CNTLN: variants seen among roughly 807,000 people sequenced by gnomAD.
The protein encoded by CNTLN is centlein, centrosomal protein.
CNTLN carries 212 observed loss-of-function variants against 180.0 expected under a neutral mutation model. That is an observed-to-expected ratio of 1.18 (90% CI 1.05 to 1.32). CNTLN has a LOEUF of 1.32. Among genes scored for constraint, CNTLN ranks in the 40% most tolerant of loss-of-function variants. The pLI, the probability that CNTLN is intolerant of heterozygous loss-of-function variation, is 0.00. For missense variants in CNTLN, 2,095 were observed against 1,610.9 expected, an observed-to-expected ratio of 1.30 and a Z score of -5.14; for synonymous variants, 722 against 563.1, an observed-to-expected ratio of 1.28 and a Z score of -3.99.
chr9:17,149,512 C>CTTTTTTTTTT (rs55691769), intron 2 of CNTLN, among the ~76,000 whole-genome samples: 3 of 106,154 alleles, frequency 2.8e-5, no homozygotes, highest in African/African-American at 3.8e-5. Flanking sequence ...TTCTTTCTTT[C>CTTTTTTTTTT]TTTTTTTTTT....
chr9:17,374,636 G>A (rs1047130520), intron 13 of CNTLN, among the ~76,000 whole-genome samples: 1 of 152,114 alleles, frequency 6.6e-6, no homozygotes, highest in African/African-American at 2.4e-5. Context: ...GAGGTGGGTG[G>A]ATCGCTTGAG....
chr9:17,290,113 T>C (rs1829270051), intron 6 of CNTLN, among the ~76,000 whole-genome samples: 1 of 152,182 alleles, frequency 6.6e-6, no homozygotes, highest in African/African-American at 2.4e-5. Flanking sequence ...AGTTTTTCTG[T>C]TCTGTTTTTT....
intron 18 of CNTLN, among the ~76,000 whole-genome samples, chr9:17,420,486 C>T (rs1424175733): frequency 6.6e-6 from 1 of 151,746 alleles, no homozygotes; most frequent in South Asian, 2.1e-4. Context: ...TTTTGTTTTA[C>T]TTTTTGAGAA....
At chr9:17,266,522 G>C (rs1394736393) in intron 5 of CNTLN, among the ~76,000 whole-genome samples, 1 of 152,094 alleles carries the variant, frequency 6.6e-6, no homozygotes, top group Non-Finnish European at 1.5e-5. Context: ...CTGTTGATTT[G>C]GGGTGGAGAG....
At chr9:17,483,929 T>C (rs546694515) in intron 23 of CNTLN, among the ~76,000 whole-genome samples, 1 of 152,300 alleles carries the variant, frequency 6.6e-6, no homozygotes, top group South Asian at 2.1e-4. Flanking sequence ...ACAAATAATA[T>C]ATGCACATTG....
intron 13 of CNTLN, among the ~76,000 whole-genome samples, chr9:17,369,254 T>A (rs1824103805): frequency 6.6e-6 from 1 of 152,040 alleles, no homozygotes; most frequent in Admixed American, 6.5e-5. Flanking sequence ...GTGCCTTGCT[T>A]CCCCTTCACC....
intron 2 of CNTLN, among the ~76,000 whole-genome samples, chr9:17,145,430 T>A (rs1292119221): frequency 6.6e-6 from 1 of 152,212 alleles, no homozygotes; most frequent in Non-Finnish European, 1.5e-5. Context: ...CCTATGTCTG[T>A]TAAAAAGAAT....
intron 18 of CNTLN, among the ~76,000 whole-genome samples, chr9:17,446,287 C>T (rs530535099): frequency 1.0e-3 from 159 of 152,242 alleles, no homozygotes; most frequent in African/African-American, 3.6e-3. Context: ...TTCCACCTTA[C>T]GAGAAACACC....
At chr9:17,465,521 CATATT>C (rs1260222213) in intron 21 of CNTLN, among the ~76,000 whole-genome samples, 6 of 150,046 alleles carry the variant, frequency 4.0e-5, no homozygotes, top group Non-Finnish European at 3.0e-5. Flanking sequence ...GTTACATACA[CATATT>C]ATAATCTTAT....
At chr9:17,171,872 G>A (rs1048514710) in intron 2 of CNTLN, among the ~76,000 whole-genome samples, 2 of 152,138 alleles carry the variant, frequency 1.3e-5, no homozygotes, top group African/African-American at 2.4e-5. Flanking sequence ...CTGTGGTGGT[G>A]GCTTCAGTGT....
chr9:17,363,833 A>T (rs1823594823), intron 12 of CNTLN, among the ~76,000 whole-genome samples: 1 of 151,898 alleles, frequency 6.6e-6, no homozygotes, highest in Admixed American at 6.6e-5. Context: ...ATTTTGTTTT[A>T]TACCTTGCTT....
intron 5 of CNTLN, among the ~76,000 whole-genome samples, chr9:17,267,833 G>T (rs1023682810): frequency 1.3e-5 from 2 of 151,986 alleles, no homozygotes; most frequent in Non-Finnish European, 2.9e-5. Context: ...GATCGCATCG[G>T]CTAATGAGGC....
chr9:17,397,241 G>T (rs1415445739), intron 15 of CNTLN, among the ~76,000 whole-genome samples: 1 of 152,174 alleles, frequency 6.6e-6, no homozygotes, highest in Non-Finnish European at 1.5e-5. Flanking sequence ...TCTCACGCAA[G>T]AAAGAATTTG....
intron 5 of CNTLN, among the ~76,000 whole-genome samples, chr9:17,255,248 A>C (rs954930795): frequency 4.0e-5 from 6 of 151,724 alleles, no homozygotes; most frequent in Non-Finnish European, 7.4e-5. Flanking sequence ...GAGAGTGGGC[A>C]ACCTCATCTT....
chr9:17,331,379 A>G (rs1820633426), intron 9 of CNTLN, among the ~76,000 whole-genome samples: 2 of 151,580 alleles, frequency 1.3e-5, no homozygotes, highest in South Asian at 4.2e-4. Context: ...TTTAGTATTC[A>G]TTACATAGTT....
At chr9:17,277,090 GATTTCC>G (rs1828361846) in intron 6 of CNTLN, among the ~76,000 whole-genome samples, 1 of 75,610 alleles carries the variant, frequency 1.3e-5, no homozygotes, top group Non-Finnish European at 2.8e-5. Context: ...TTTCTGTATG[GATTTCC>G]TTCTTTGAAG....
intron 2 of CNTLN, among the ~76,000 whole-genome samples, chr9:17,180,219 T>C (rs772589394): frequency 3.3e-5 from 5 of 149,710 alleles, no homozygotes; most frequent in Non-Finnish European, 5.9e-5. Context: ...TTCTGTTTGC[T>C]ATCTCTGTTT....
intron 2 of CNTLN, among the ~76,000 whole-genome samples, chr9:17,176,728 G>C (rs920042716): frequency 2.0e-5 from 3 of 152,132 alleles, no homozygotes; most frequent in Non-Finnish European, 2.9e-5. Flanking sequence ...TTCTTTTCTG[G>C]GAGTTTCCAA....
intron 5 of CNTLN, among the ~76,000 whole-genome samples, chr9:17,265,473 G>A (rs1452902647): frequency 3.3e-5 from 5 of 150,954 alleles, no homozygotes; most frequent in Non-Finnish European, 5.9e-5. Context: ...TTACATCAAT[G>A]TTCATCAAGG....
Sources: gnomAD v4.1 joint callset for allele counts (sites outside exome capture counted in the v4.1 genomes callset) on GRCh38, gnomAD v4.1.1 for gene constraint, MANE v1.5 for transcripts, NCBI Gene and HGNC (gene_info 2026-07-23, HGNC 2026-07-21) for gene names.